Variants in FRYL observed in about 807,000 individuals in gnomAD.
FRYL encodes protein furry homolog-like.
In FRYL, 150 loss-of-function variants were observed where a neutral mutation model predicts 351.2. That is an observed-to-expected ratio of 0.43 (90% CI 0.37 to 0.49). FRYL has a LOEUF of 0.49. FRYL is among the 20% of genes least tolerant of loss of function. The probability of loss-of-function intolerance (pLI) is 0.00; values close to 1 mark genes in which losing one functional copy is unlikely to be tolerated. For synonymous variants in FRYL, 1,153 were observed against 1,257.1 expected (o/e 0.92, Z 1.75); for missense variants, 3,036 against 3,619.3 (o/e 0.84, Z 4.13).
chr4:48,667,930 G>A (rs1476427437), intron 3 of FRYL, among the ~76,000 whole-genome samples: 2 of 152,330 alleles, frequency 1.3e-5, no homozygotes, highest in Middle Eastern at 3.4e-3. Flanking sequence ...TTACAGGCGA[G>A]AGCCACAGCG....
At chr4:48,734,596 A>G (rs1771092935) in intron 1 of FRYL, among the ~76,000 whole-genome samples, 2 of 152,260 alleles carry the variant, frequency 1.3e-5, no homozygotes, top group Admixed American at 6.5e-5. Context: ...ACAGCAGGTT[A>G]CACATTCTTC....
intron 54 of FRYL, 47 bp from the exon 55 acceptor site, chr4:48,521,262 G>T: frequency 7.2e-7 from 1 of 1,388,818 alleles, no homozygotes; most frequent in Non-Finnish European, 1.0e-6. Flanking sequence ...TGAGTCAAAA[G>T]CCACAGGAAA....
chr4:48,518,690 C>T (rs1577906634), intron 55 of FRYL, among the ~76,000 whole-genome samples: 1 of 152,112 alleles, frequency 6.6e-6, no homozygotes, highest in Admixed American at 6.5e-5. Flanking sequence ...TTTTAAACTG[C>T]TGCTTCTTCT....
At chr4:48,501,573 A>T in intron 62 of FRYL, 50 bp downstream of exon 62, 2 of 1,019,338 alleles carry the variant, frequency 2.0e-6, no homozygotes, top group Non-Finnish European at 3.1e-6. Flanking sequence ...ATTTTATTTT[A>T]AAATTTTTTT....
chr4:48,589,893 TCA>T lies in FRYL; in HGVS notation c.1508-18_1508-17del, dbSNP rs751527643. The T allele has an allele frequency of 2.7e-5, 43 of 1,594,342 alleles. No individual in the cohort carries two copies. Among genetic ancestry groups the T allele is most frequent in the Middle Eastern group, 3.3e-4 (2 of 6,056 alleles). On this transcript the variant is annotated splice_polypyrimidine_tract_variant and intron_variant, in intron 17 of 63. Coordinates refer to ENST00000358350, the MANE Select transcript of FRYL (RefSeq NM_015030.2). ...ACTGACATTCCTAGGGGAAAAAACT[TCA>T]CAGTTATAAAATATCTGAAATTAGA...
intron 4 of FRYL, among the ~76,000 whole-genome samples, chr4:48,632,156 AT>A: frequency 7.1e-6 from 1 of 140,282 alleles, no homozygotes; most frequent in Non-Finnish European, 1.5e-5. Context: ...AAATATATAA[AT>A]ATATATATAA....
chr4:48,500,414 T>C (rs948987502), intron 62 of FRYL, among the ~76,000 whole-genome samples, 194 bp from the exon 63 acceptor site: 13 of 152,196 alleles, frequency 8.5e-5, no homozygotes, highest in East Asian at 1.9e-4. Flanking sequence ...CACCAAATAG[T>C]AGTCTTGAAA....
At chr4:48,774,266 T>C (rs1037782663) in intron 1 of FRYL, among the ~76,000 whole-genome samples, 1 of 152,198 alleles carries the variant, frequency 6.6e-6, no homozygotes, top group Non-Finnish European at 1.5e-5. Context: ...ATACGAATTA[T>C]ATTTCAAAAA....
chr4:48,615,273 A>G (rs1749190518), intron 7 of FRYL, among the ~76,000 whole-genome samples: 1 of 152,142 alleles, frequency 6.6e-6, no homozygotes, highest in South Asian at 2.1e-4. Context: ...ATGACAAGTC[A>G]CCTCCCATGT....
chr4:48,501,115 G>C (rs1169738415), intron 62 of FRYL, among the ~76,000 whole-genome samples: 1 of 139,094 alleles, frequency 7.2e-6, no homozygotes, highest in Non-Finnish European at 1.6e-5. Context: ...AAAAGCTATA[G>C]AAATACGAAC....
chr4:48,589,752 T>A lies in FRYL; in HGVS notation c.1633A>T (p.Met545Leu). 1 of 1,613,028 alleles carries A rather than the reference T, an allele frequency of 6.2e-7. No individual in the cohort carries two copies. The highest frequency in any genetic ancestry group is 1.3e-5 in the African/African-American group (1 of 75,022). The change falls in exon 18 of 64, where the codon ATG (methionine) becomes TTG (leucine). Residue 545 changes from methionine to leucine, a missense_variant. Met to Leu is a conservative substitution (Grantham distance 15). Around this residue, in one of 7 missense-constraint regions of FRYL, gnomAD observed 78 missense variants for 106.6 expected, o/e 0.73. Transcript: ENST00000358350. ...VQMSNKEPED[M>L]ITGERKPKID... The stretch of plus-strand genomic sequence containing the variant: ...ACATAATTTACTACATACGTAATCA[T>A]GTCTTCAGGCTCCTTATTAGACATC...
chr4:48,682,952 T>C (rs1764777739), intron 3 of FRYL, among the ~76,000 whole-genome samples: 1 of 152,166 alleles, frequency 6.6e-6, no homozygotes, highest in African/African-American at 2.4e-5. Context: ...CATTCTATTA[T>C]AAAGACTCAT....
chr4:48,745,918 T>G (rs995780802), intron 1 of FRYL, among the ~76,000 whole-genome samples: 6 of 152,172 alleles, frequency 3.9e-5, no homozygotes, highest in African/African-American at 1.4e-4. Context: ...ATGATTGATT[T>G]AAAGATGTCT....
intron 40 of FRYL, 24 bp from the exon 41 acceptor site, chr4:48,547,793 T>C (rs749671428): frequency 7.3e-7 from 1 of 1,371,616 alleles, no homozygotes; most frequent in South Asian, 2.0e-5. Context: ...TAGAGAAACA[T>C]TATCAATAAA....
chr4:48,658,152 A>G (rs1347492152), intron 3 of FRYL, among the ~76,000 whole-genome samples: 1 of 3,414 alleles, frequency 2.9e-4, no homozygotes, highest in East Asian at 0.5. Flanking sequence ...TTCGGATTTA[A>G]CTAGAAATAT....
chr4:48,769,682 T>C (rs1459256452), intron 1 of FRYL, among the ~76,000 whole-genome samples: 1 of 152,230 alleles, frequency 6.6e-6, no homozygotes, highest in Non-Finnish European at 1.5e-5. Flanking sequence ...TCCTATGTTC[T>C]TCAGCAGGTG....
chr4:48,510,733 AACCTTTATACC>A, intron 58 of FRYL, 91 bp downstream of exon 58: 1 of 911,392 alleles, frequency 1.1e-6, no homozygotes, highest in Non-Finnish European at 1.8e-6. Flanking sequence ...TGAAAATACG[AACCTTTATACC>A]ATAAAATTCA....
intron 2 of FRYL, among the ~76,000 whole-genome samples, chr4:48,689,043 T>C (rs1765442010): frequency 6.6e-6 from 1 of 152,232 alleles, no homozygotes; most frequent in African/African-American, 2.4e-5. Flanking sequence ...CAGATTATAT[T>C]ACATGACCTG....
chr4:48,549,636 A>G lies in FRYL; in HGVS notation c.4634-13T>C. The stretch of plus-strand genomic sequence containing the variant: ...GGCATTGAATCACCTATCAAGATAA[A>G]ATGATCTCATTTTCTACACCATCTA... On this transcript the variant is annotated splice_polypyrimidine_tract_variant and intron_variant, in intron 38 of 63. Coordinates refer to ENST00000358350, the MANE Select transcript of FRYL (RefSeq NM_015030.2). The surrounding 1 kb of genome is among the most constrained non-coding windows in gnomAD (Gnocchi z 4.2). 1 of 1,602,792 alleles carries G rather than the reference A, an allele frequency of 6.2e-7. No individual in the cohort carries two copies. Among genetic ancestry groups the G allele is most frequent in the East Asian group, 2.2e-5 (1 of 44,588 alleles).
Sources: gnomAD v4.1 joint callset for allele counts (sites outside exome capture counted in the v4.1 genomes callset) on GRCh38, gnomAD v4.1.1 for gene constraint, gnomAD v4.1.1 regional missense constraint, Gnocchi (gnomAD v3.1) non-coding constraint, MANE v1.5 for transcripts, NCBI Gene and HGNC (gene_info 2026-07-23, HGNC 2026-07-21) for gene names.